RASA1: variants seen among roughly 807,000 people sequenced by gnomAD.
The protein encoded by RASA1 is ras GTPase-activating protein 1.
RASA1 carries 25 observed loss-of-function variants against 132.2 expected under a neutral mutation model. That is an observed-to-expected ratio of 0.19 (90% CI 0.14 to 0.26). RASA1 has a LOEUF of 0.26. Among genes scored for constraint, RASA1 ranks in the 10% least tolerant of loss-of-function variants. The pLI is 1.00. For synonymous variants in RASA1, 477 were observed against 449.9 expected, an observed-to-expected ratio of 1.06 and a Z score of -0.76; for missense variants, 964 against 1,299.2, an observed-to-expected ratio of 0.74 and a Z score of 3.97.
intron 6 of RASA1, among the ~76,000 whole-genome samples, chr5:87,344,083 G>T (rs1043475467): frequency 2.6e-5 from 4 of 152,110 alleles, no homozygotes; most frequent in Non-Finnish European, 5.9e-5. Flanking sequence ...AGCAGGGAAG[G>T]GGGGATACAA....
At position 87,362,482 on chromosome 5, in the gene RASA1, CT is replaced by C; in HGVS notation, c.1333-65del. Reference sequence around the variant, plus strand: ...TAAGCGCTTTGGCTTTTAATTGGTACTTTTATAGATTTTTACTTCATTTCCA... The same window carrying C: ...TAAGCGCTTTGGCTTTTAATTGGTACTTTATAGATTTTTACTTCATTTCCA... On this transcript the variant is annotated intron_variant, in intron 9 of 24. Coordinates refer to ENST00000274376, the MANE Select transcript of RASA1 (RefSeq NM_002890.3). 4.0e-6 allele frequency: 6 copies of C among 1,489,694 alleles called. No homozygotes were observed. In the South Asian group the frequency reaches 7.0e-5, roughly 17 times the overall value. The allele number at this position is 1,489,694 out of a possible 1,614,324, so 92.3% of individuals were successfully genotyped here. A position where few individuals can be genotyped will look rare whatever the true frequency, so the allele number is the denominator to read the frequency against.
chr5:87,329,480 T>C (rs941189393), intron 1 of RASA1, among the ~76,000 whole-genome samples: 2 of 151,898 alleles, frequency 1.3e-5, no homozygotes, highest in African/African-American at 4.8e-5. Context: ...AAACCACAAA[T>C]AAACATATAT....
At chr5:87,319,858 G>T (rs1264254909) in intron 1 of RASA1, among the ~76,000 whole-genome samples, 1 of 152,190 alleles carries the variant, frequency 6.6e-6, no homozygotes, top group Non-Finnish European at 1.5e-5. Flanking sequence ...TGGTGAGGCT[G>T]CAAAATTTCC....
At chr5:87,301,157 A>G (rs1443863164) in intron 1 of RASA1, among the ~76,000 whole-genome samples, 1 of 152,240 alleles carries the variant, frequency 6.6e-6, no homozygotes, top group Non-Finnish European at 1.5e-5. Context: ...TGGACAACAC[A>G]TTGTTATAAA....
chr5:87,292,031 T>C (rs1754930956), intron 1 of RASA1, among the ~76,000 whole-genome samples: 1 of 152,240 alleles, frequency 6.6e-6, no homozygotes, highest in Non-Finnish European at 1.5e-5. Context: ...TGTTTTCTTA[T>C]TGTTGTGAAG....
In RASA1 at chr5:87,270,531, A is replaced by G. The variant is rs1254110683; in HGVS notation, c.539+1541A>G. Among the ~76,000 whole-genome samples, 3 of 151,274 alleles carry G rather than the reference A, an allele frequency of 2.0e-5. No homozygotes were observed. In the East Asian group the frequency reaches 6.0e-4, roughly 30 times the overall value. ...TCTGGCTAATTTTTGTATTTTTAAT[A>G]GAGACGAAATTTCGCCATATGGCCA... On this transcript the variant is annotated intron_variant, in intron 1 of 24. Coordinates refer to ENST00000274376, the MANE Select transcript of RASA1 (RefSeq NM_002890.3).
chr5:87,305,397 G>T (rs775610730), intron 1 of RASA1, among the ~76,000 whole-genome samples: 14 of 152,104 alleles, frequency 9.2e-5, no homozygotes, highest in Non-Finnish European at 1.5e-4. Flanking sequence ...AAGCAATGGG[G>T]AAAGGACTAT....
intron 1 of RASA1, among the ~76,000 whole-genome samples, chr5:87,311,382 C>T (rs1203947269): frequency 2.6e-5 from 4 of 152,174 alleles, no homozygotes; most frequent in African/African-American, 9.7e-5. Flanking sequence ...AATGACTTTT[C>T]TGATGAGATT....
Position 87,349,252 on chromosome 5 carries a change from A to T in RASA1, c.1141A>T (p.Asn381Tyr). 1.9e-6 allele frequency: 3 copies of T among 1,612,182 alleles called. No individual in the cohort carries two copies. The East Asian group carries it at 6.7e-5, about 36-fold the overall frequency. The change falls in exon 8 of 25, where the codon AAT becomes TAT. Residue 381 changes from asparagine (N) to tyrosine (Y), a missense_variant. Asn to Tyr is a moderately radical substitution (Grantham distance 143). This residue lies in a region of RASA1 where 154 missense variants were observed against 286.5 expected (regional missense o/e 0.54). Transcript: ENST00000274376. ...VCSFLVRPSDNTPGDYSLYFR... is the reference protein window; with the variant it reads ...VCSFLVRPSDYTPGDYSLYFR... ...CAGTTTTCTTGTGAGGCCCTCAGAT[A>T]ATACTCCTGGCGATTATTCACTTTA...
chr5:87,370,705 A>G (rs918219258), intron 12 of RASA1, among the ~76,000 whole-genome samples: 73 of 152,290 alleles, frequency 4.8e-4, no homozygotes, highest in African/African-American at 1.7e-3. Context: ...TTTCTGGAGT[A>G]TATGGTTGTA....
chr5:87,321,195 A>C (rs964213423), intron 1 of RASA1, among the ~76,000 whole-genome samples: 9 of 152,210 alleles, frequency 5.9e-5, no homozygotes, highest in African/African-American at 2.2e-4. Context: ...CAGTAGTTTT[A>C]TGTCTAGGAA....
chr5:87,368,016 T>A (rs764511456), intron 11 of RASA1, among the ~76,000 whole-genome samples: 26 of 152,184 alleles, frequency 1.7e-4, no homozygotes, highest in Non-Finnish European at 2.8e-4. Context: ...TTCATCAATC[T>A]GAGACCTGAT....
chr5:87,290,319 C>A (rs1244247505), intron 1 of RASA1, among the ~76,000 whole-genome samples: 1 of 152,130 alleles, frequency 6.6e-6, no homozygotes, highest in Non-Finnish European at 1.5e-5. Flanking sequence ...AATTTTATTT[C>A]CCCTAGTTCA....
rs575470968 is a variant in RASA1, at chr5:87,337,878, A to G, written c.900-96A>G. On this transcript the variant is annotated intron_variant, in intron 4 of 24. Coordinates refer to ENST00000274376, the MANE Select transcript of RASA1 (RefSeq NM_002890.3). ...ACTCTAATTCCTTACATTTTTCAAT[A>G]TAATACTATCCCTATCCTATTTTGT... 18 of 1,292,544 alleles carry G rather than the reference A, an allele frequency of 1.4e-5. No individual in the cohort carries two copies. In the African/African-American group the frequency reaches 2.2e-4, roughly 16 times the overall value. The allele number at this position is 1,292,544 out of a possible 1,614,324, so 80.1% of individuals were successfully genotyped here.
intron 1 of RASA1, among the ~76,000 whole-genome samples, chr5:87,311,784 A>G (rs1448582958): frequency 6.6e-6 from 1 of 152,236 alleles, no homozygotes; most frequent in African/African-American, 2.4e-5. Flanking sequence ...TCCAGAGGTC[A>G]GACTGATACT....
intron 23 of RASA1, among the ~76,000 whole-genome samples, chr5:87,387,375 G>C (rs975000998): frequency 5.3e-5 from 8 of 152,128 alleles, no homozygotes; most frequent in African/African-American, 1.7e-4. Context: ...GTGAATATCT[G>C]TGCCTCATTT....
chr5:87,370,448 AAAAC>A (rs1273573204), intron 12 of RASA1, among the ~76,000 whole-genome samples: 1 of 152,166 alleles, frequency 6.6e-6, no homozygotes. Flanking sequence ...TATTTTTTAA[AAAAC>A]ACTCTTTAAA....
In RASA1 at chr5:87,376,550, C is replaced by A; in HGVS notation, c.2169C>A (p.Tyr723Ter). The A allele has an allele frequency of 6.2e-7, 1 of 1,613,656 alleles. No individual in the cohort carries two copies. Among genetic ancestry groups the A allele is most frequent in the Non-Finnish European group, 8.5e-7 (1 of 1,179,728 alleles). Residue 723 changes from tyrosine to a stop codon, truncating the protein, a stop_gained, in exon 16 of 25, where the codon TAC (tyrosine) becomes TAA (stop). Transcript: ENST00000274376. LOFTEE classifies it high-confidence loss of function. ...AAAAAATCATGCCAGAAGAAGAGTACAGTGAATTTAAAGAGGTATTAAATT... is the reference window on the plus strand; with the variant it reads ...AAAAAATCATGCCAGAAGAAGAGTAAAGTGAATTTAAAGAGGTATTAAATT... ...SMEKIMPEEE[Y>*]SEFKELILQK...
intron 1 of RASA1, among the ~76,000 whole-genome samples, chr5:87,289,538 G>T (rs1754822685): frequency 1.3e-5 from 2 of 152,040 alleles, no homozygotes; most frequent in Non-Finnish European, 2.9e-5. Flanking sequence ...TTACAGTTTG[G>T]CTTCCCACTT....
Sources: gnomAD v4.1 joint callset for allele counts (sites outside exome capture counted in the v4.1 genomes callset) on GRCh38, gnomAD v4.1.1 for gene constraint, gnomAD v4.1.1 regional missense constraint, MANE v1.5 for transcripts, NCBI Gene and HGNC (gene_info 2026-07-23, HGNC 2026-07-21) for gene names.